The following ALDH2 variants were observed in gnomAD, a reference collection of about 807,000 sequenced individuals.
ALDH2 encodes the protein aldehyde dehydrogenase, mitochondrial.
In ALDH2, 44 loss-of-function variants were observed where a neutral mutation model predicts 59.6. The ratio of observed to expected loss-of-function variants is 0.74; its 90% CI spans 0.58 to 0.95. The LOEUF (loss-of-function observed/expected upper bound fraction) is 0.95, where lower values mean the gene tolerates loss of function less well. Among genes scored for constraint, ALDH2 ranks in the 40% least tolerant of loss-of-function variants. The pLI is 0.00. For synonymous variants in ALDH2, 291 were observed against 284.0 expected (o/e 1.02, Z -0.25); for missense variants, 570 against 696.3 (o/e 0.82, Z 2.04).
intron 11 of ALDH2, among the ~76,000 whole-genome samples, 181 bp downstream of exon 11, chr12:111,800,244 T>C (rs74429409): frequency 0.015 from 2,347 of 152,232 alleles, 71 homozygotes; most frequent in African/African-American, 0.053. Flanking sequence ...AGCTTCTCTG[T>C]GGTGCAAAGG....
At chr12:111,802,741 G>A (rs1488014797) in intron 11 of ALDH2, among the ~76,000 whole-genome samples, 4 of 151,332 alleles carry the variant, frequency 2.6e-5, no homozygotes, top group Admixed American at 6.6e-5. Flanking sequence ...TTAGCCGGGT[G>A]TGGTGGCGGG....
intron 9 of ALDH2, among the ~76,000 whole-genome samples, chr12:111,796,578 G>A (rs1319222967): frequency 6.6e-6 from 1 of 152,120 alleles, no homozygotes; most frequent in Non-Finnish European, 1.5e-5. Context: ...AACCACTCAT[G>A]CACACACAGT....
At chr12:111,784,068 G>T (rs1472225047) in intron 3 of ALDH2, among the ~76,000 whole-genome samples, 1 of 152,186 alleles carries the variant, frequency 6.6e-6, no homozygotes, top group Non-Finnish European at 1.5e-5. Context: ...TCTTATCCCT[G>T]CATGGCATGC....
Position 111,783,086 on chromosome 12 carries a change from G to A in ALDH2, c.220-72G>A, listed in dbSNP as rs923514627. ...TGCTGATGACCTTCTGGATGTGTTTGTATTCGGACCTGGTTATTACTGAGA... is the reference window on the plus strand; with the variant it reads ...TGCTGATGACCTTCTGGATGTGTTTATATTCGGACCTGGTTATTACTGAGA... On this transcript the variant is annotated intron_variant, in intron 2 of 12. Transcript: ENST00000261733. The A allele has an allele frequency of 1.1e-5, 17 of 1,547,170 alleles. No individual in the cohort carries two copies. In the South Asian group the frequency reaches 1.7e-4, roughly 16 times the overall value.
chr12:111,785,460 A>C (rs2136015025), intron 4 of ALDH2, 114 bp downstream of exon 4: 2,152 of 850,722 alleles, frequency 2.5e-3, no homozygotes, highest in Non-Finnish European at 3.4e-3. Context: ...GCGGTATCTC[A>C]TGCCTATAAT....
intron 12 of ALDH2, among the ~76,000 whole-genome samples, chr12:111,808,535 T>C (rs559427809): frequency 1.4e-4 from 21 of 152,138 alleles, no homozygotes; most frequent in African/African-American, 5.1e-4. Context: ...TGAAATCCCT[T>C]CTCTACTAAA....
chr12:111,799,863 C>A, intron 10 of ALDH2, 43 bp from the exon 11 acceptor site: 1 of 1,584,128 alleles, frequency 6.3e-7, no homozygotes, highest in Non-Finnish European at 8.6e-7. Context: ...ATGGCAGGTG[C>A]CTCCGTGTTG....
chr12:111,781,237 C>T (rs756611503), intron 1 of ALDH2, among the ~76,000 whole-genome samples: 2 of 152,222 alleles, frequency 1.3e-5, no homozygotes, highest in African/African-American at 4.8e-5. Context: ...GGGAGGCTCT[C>T]TCCTCAACCT....
At chr12:111,790,022 G>A (rs976052007) in intron 5 of ALDH2, 88 bp downstream of exon 5, 37 of 1,296,294 alleles carry the variant, frequency 2.9e-5, no homozygotes, top group African/African-American at 1.2e-4. Flanking sequence ...GGGTGGTGTC[G>A]GAAGGCAGCC....
chr12:111,807,417 C>G (rs2068505635), intron 12 of ALDH2, among the ~76,000 whole-genome samples: 1 of 152,170 alleles, frequency 6.6e-6, no homozygotes, highest in Non-Finnish European at 1.5e-5. Flanking sequence ...ACTGCCCGAG[C>G]AGAGTCCACA....
At chr12:111,775,001 G>A (rs984864000) in intron 1 of ALDH2, among the ~76,000 whole-genome samples, 4 of 152,212 alleles carry the variant, frequency 2.6e-5, no homozygotes, top group African/African-American at 7.2e-5. Context: ...CTGGAATGGC[G>A]ATCACTTGTC....
intron 3 of ALDH2, 124 bp downstream of exon 3, chr12:111,783,422 A>T (rs2068288250): frequency 7.9e-7 from 1 of 1,264,328 alleles, no homozygotes. Flanking sequence ...CACGGGACTG[A>T]TGGGAATGGC....
chr12:111,806,562 T>G (rs2068496543), intron 12 of ALDH2, among the ~76,000 whole-genome samples: 1 of 152,190 alleles, frequency 6.6e-6, no homozygotes, highest in African/African-American at 2.4e-5. Flanking sequence ...GTGCCAAGCC[T>G]GAGACTGGAG....
At position 111,766,990 on chromosome 12, in the gene ALDH2, G is replaced by C. The variant is rs1862055824; in HGVS notation, c.8G>C (p.Arg3Pro). Residue 3 changes from arginine (R) to proline (P), a missense_variant, in exon 1 of 13, where the codon CGC (arginine) becomes CCC (proline). Physicochemically the swap from Arg to Pro is moderately radical, Grantham distance 103. Transcript: ENST00000261733. MLRAAARFGPRLG... is the reference protein window; with the variant it reads MLPAAARFGPRLG... ...GTCCGCTAGCCCGCTGCGATGTTGC[G>C]CGCTGCCGCCCGCTTCGGGCCCCGC... 1 of 1,521,414 alleles carries C rather than the reference G, an allele frequency of 6.6e-7. No homozygotes were observed. 94.2% of individuals were successfully genotyped at this position (1,521,414 alleles called of 1,614,324 possible).
At chr12:111,784,318 A>C (rs1393166888) in intron 3 of ALDH2, among the ~76,000 whole-genome samples, 1 of 152,140 alleles carries the variant, frequency 6.6e-6, no homozygotes, top group Admixed American at 6.5e-5. Flanking sequence ...TGTCTCAAAA[A>C]AAAAATGACC....
At chr12:111,776,755 G>A (rs901655021) in intron 1 of ALDH2, among the ~76,000 whole-genome samples, 1 of 151,834 alleles carries the variant, frequency 6.6e-6, no homozygotes, top group African/African-American at 2.4e-5. Context: ...TGCAATCTTG[G>A]TTCACTGCAA....
intron 11 of ALDH2, 110 bp from the exon 12 acceptor site, chr12:111,803,749 T>A (rs544016456): frequency 1.6e-4 from 106 of 658,812 alleles, no homozygotes; most frequent in East Asian, 9.0e-4. Flanking sequence ...AAAAAAAAAT[T>A]TTTTTTTAAG....
chr12:111,776,384 C>T (rs796774940), intron 1 of ALDH2, among the ~76,000 whole-genome samples: 20 of 152,270 alleles, frequency 1.3e-4, no homozygotes, highest in African/African-American at 4.6e-4. Flanking sequence ...TTAACCTTCA[C>T]ATCAGCCCCC....
At chr12:111,768,124 A>G (rs953105058) in intron 1 of ALDH2, among the ~76,000 whole-genome samples, 3 of 152,198 alleles carry the variant, frequency 2.0e-5, no homozygotes, top group Non-Finnish European at 4.4e-5. Flanking sequence ...AGTCACAAAG[A>G]GGTTTAGTGA....
Sources: allele counts gnomAD v4.1 joint callset (sites outside exome capture counted in the v4.1 genomes callset), GRCh38; gene constraint gnomAD v4.1.1; transcripts MANE v1.5; gene names NCBI Gene and HGNC (gene_info 2026-07-23, HGNC 2026-07-21).